Variants in NOL4 observed in about 807,000 individuals in gnomAD.
NOL4 encodes the protein cancer/testis antigen 125.
NOL4 carries 17 observed loss-of-function variants against 75.9 expected under a neutral mutation model. The ratio of observed to expected loss-of-function variants is 0.22; its 90% CI spans 0.15 to 0.34. The LOEUF (loss-of-function observed/expected upper bound fraction) is 0.34, where lower values mean the gene tolerates loss of function less well. NOL4 is among the 10% of genes least tolerant of loss of function. NOL4 has a pLI of 1.00. For missense variants in NOL4, 614 were observed against 793.5 expected, an observed-to-expected ratio of 0.77 and a Z score of 2.72; for synonymous variants, 292 against 289.9, an observed-to-expected ratio of 1.01 and a Z score of -0.07.
chr18:34,114,738 A>G (rs1451314309), intron 2 of NOL4, among the ~76,000 whole-genome samples: 1 of 152,196 alleles, frequency 6.6e-6, no homozygotes, highest in East Asian at 1.9e-4. Flanking sequence ...GTTGTTACAC[A>G]GCAGAGGGCA....
intron 1 of NOL4, among the ~76,000 whole-genome samples, chr18:34,193,492 T>A (rs865933187): frequency 6.6e-6 from 1 of 152,060 alleles, no homozygotes; most frequent in African/African-American, 2.4e-5. Flanking sequence ...AGGATAACGC[T>A]CAAAATCACT....
intron 6 of NOL4, among the ~76,000 whole-genome samples, chr18:33,966,323 G>C (rs1347082768): frequency 6.6e-6 from 1 of 151,920 alleles, no homozygotes; most frequent in Non-Finnish European, 1.5e-5. Flanking sequence ...ATCTATGACA[G>C]GCCCACAGCA....
chr18:33,958,370 C>A lies in NOL4; in HGVS notation c.1105G>T (p.Val369Leu). 1 of 1,613,604 alleles carries A rather than the reference C, an allele frequency of 6.2e-7. No homozygotes were observed. Residue 369 changes from valine (V) to leucine (L), a missense_variant, in exon 7 of 11, where the codon GTA becomes TTA. Val to Leu is a conservative substitution (Grantham distance 32). Coordinates refer to ENST00000261592, the MANE Select transcript of NOL4 (RefSeq NM_003787.5). ...GAGAGGTCCTCAGCTCCTCGGTCTA[C>A]ACTCTCATTTTTGCCAGAGTCATAG... Reference protein sequence around the residue: ...SSYDSGKNESVDRGAEDLSLN... With the variant: ...SSYDSGKNESLDRGAEDLSLN...
chr18:34,055,026 TA>T (rs1359762434), intron 5 of NOL4, among the ~76,000 whole-genome samples: 2 of 150,520 alleles, frequency 1.3e-5, no homozygotes, highest in East Asian at 3.9e-4. Flanking sequence ...TTTAAACTAC[TA>T]ACAACTTACT....
chr18:33,994,463 C>A (rs2073137171), intron 6 of NOL4, among the ~76,000 whole-genome samples: 1 of 151,888 alleles, frequency 6.6e-6, no homozygotes, highest in Admixed American at 6.6e-5. Context: ...AAAATGTGTT[C>A]TGACTTCAAC....
rs999224265 is a variant in NOL4, at chr18:33,906,047, T to C, written c.1543-22623A>G. ...TCACTCCTTTTGTGGTGATATCTTT[T>C]AGGGTAACTGCTTTTGCTTATTTCT... On this transcript the variant is annotated intron_variant, in intron 9 of 10. Transcript: ENST00000261592. 1.1e-4 allele frequency among the ~76,000 whole-genome samples: 16 copies of C among 152,236 alleles called. 1 individual carries two copies. Among genetic ancestry groups the C allele is most frequent in the Admixed American group, 9.8e-4 (15 of 15,286 alleles).
At chr18:33,997,729 T>G (rs1436836707) in intron 6 of NOL4, among the ~76,000 whole-genome samples, 1 of 149,220 alleles carries the variant, frequency 6.7e-6, no homozygotes, top group African/African-American at 2.4e-5. Flanking sequence ...GTATATATAC[T>G]CTATATACTT....
chr18:33,947,049 A>C (rs189806227), intron 8 of NOL4, among the ~76,000 whole-genome samples: 1 of 151,884 alleles, frequency 6.6e-6, no homozygotes, highest in South Asian at 2.1e-4. Context: ...ACAGGGCTCA[A>C]GTGTGCAGCA....
In NOL4 at chr18:34,152,369, T is replaced by A. The variant is rs538091162; in HGVS notation, c.265-22349A>T. 5.7e-4 allele frequency among the ~76,000 whole-genome samples: 87 copies of A among 152,032 alleles called. No individual in the cohort carries two copies. In the South Asian group the frequency reaches 0.018, roughly 31 times the overall value. ...TGAATGAACTACTTGTAAATAGACA[T>A]GACCAGGTGATGTGTCTTAGGTTTA... On this transcript the variant is annotated intron_variant, in intron 1 of 10. Transcript: ENST00000261592.
chr18:34,197,226 G>A (rs941359735), intron 1 of NOL4, among the ~76,000 whole-genome samples: 3 of 151,936 alleles, frequency 2.0e-5, no homozygotes, highest in African/African-American at 7.2e-5. Context: ...TGAAAGCTAT[G>A]ATCTTTATCC....
chr18:33,942,206 T>TATTG lies in NOL4; in HGVS notation c.1542+858_1542+859insCAAT, dbSNP rs2068536260. 2.0e-4 allele frequency among the ~76,000 whole-genome samples: 31 copies of TATTG among 152,132 alleles called. No homozygotes were observed. In the South Asian group the frequency reaches 3.5e-3, roughly 17 times the overall value. On this transcript the variant is annotated intron_variant, in intron 9 of 10. Coordinates refer to ENST00000261592, the MANE Select transcript of NOL4 (RefSeq NM_003787.5). ...ACTAACTTACTTTAGTCTTGACTCA[T>TATTG]CTCATCCTCAATTAGCAATATAAAG...
At chr18:33,877,437 T>TAACAA (rs1555641396) in intron 10 of NOL4, among the ~76,000 whole-genome samples, 1 of 106,246 alleles carries the variant, frequency 9.4e-6, no homozygotes, top group African/African-American at 3.5e-5. Context: ...GACCTTGCCT[T>TAACAA]AAAAAAAAAA....
At chr18:33,867,139 GTTAA>G (rs1172326556) in intron 10 of NOL4, among the ~76,000 whole-genome samples, 9 of 152,120 alleles carry the variant, frequency 5.9e-5, no homozygotes, top group African/African-American at 1.2e-4. Flanking sequence ...ACCGTAGGGG[GTTAA>G]TTGTTTGCCT....
At chr18:33,888,261 A>G (rs1782324915) in intron 9 of NOL4, among the ~76,000 whole-genome samples, 2 of 151,568 alleles carry the variant, frequency 1.3e-5, no homozygotes, top group South Asian at 4.2e-4. Context: ...CCACTTTTTG[A>G]TGGGGTTGCT....
chr18:33,982,231 C>A (rs1444353705), intron 6 of NOL4, among the ~76,000 whole-genome samples: 4 of 151,988 alleles, frequency 2.6e-5, no homozygotes, highest in African/African-American at 9.7e-5. Flanking sequence ...CTCCGAATGT[C>A]AATGGTCTAA....
chr18:34,011,974 C>G (rs1409452757), intron 6 of NOL4, among the ~76,000 whole-genome samples: 1 of 151,862 alleles, frequency 6.6e-6, no homozygotes, highest in African/African-American at 2.4e-5. Context: ...CTTTTCAAGG[C>G]ATAAATTATA....
At chr18:33,961,054 G>A (rs1471458439) in intron 6 of NOL4, among the ~76,000 whole-genome samples, 1 of 151,780 alleles carries the variant, frequency 6.6e-6, no homozygotes, top group Non-Finnish European at 1.5e-5. Flanking sequence ...CTTTAACCTT[G>A]ACATAATAAC....
chr18:34,055,805 C>CT (rs201565481), intron 5 of NOL4, among the ~76,000 whole-genome samples: 27 of 151,010 alleles, frequency 1.8e-4, no homozygotes, highest in East Asian at 5.9e-4. Context: ...TTCTTCATTC[C>CT]TTTTTTTTTC....
intron 2 of NOL4, among the ~76,000 whole-genome samples, chr18:34,112,064 T>G (rs535882593): frequency 7.8e-4 from 119 of 152,068 alleles, no homozygotes; most frequent in Non-Finnish European, 1.4e-3. Context: ...TTATTCACAA[T>G]AGCCAGGATA....
Sources: gnomAD v4.1 joint callset for allele counts (sites outside exome capture counted in the v4.1 genomes callset) on GRCh38, gnomAD v4.1.1 for gene constraint, MANE v1.5 for transcripts, NCBI Gene and HGNC (gene_info 2026-07-23, HGNC 2026-07-21) for gene names.